ZC3H12B: variants seen among roughly 807,000 people sequenced by gnomAD.
The protein encoded by ZC3H12B is probable ribonuclease ZC3H12B.
In ZC3H12B, 7 loss-of-function variants were observed where a neutral mutation model predicts 43.9. The ratio of observed to expected loss-of-function variants is 0.16; its 90% CI spans 0.09 to 0.30. ZC3H12B has a LOEUF of 0.30. Among genes scored for constraint, ZC3H12B ranks in the 10% least tolerant of loss-of-function variants. The pLI is 1.00. For synonymous variants in ZC3H12B, 222 were observed against 241.7 expected, an observed-to-expected ratio of 0.92 and a Z score of 0.76; for missense variants, 475 against 670.2, an observed-to-expected ratio of 0.71 and a Z score of 3.22.
the ZC3H12B span, among the ~76,000 whole-genome samples, chrX:65,350,735 T>C: frequency 6.3e-5 from 7 of 111,187 alleles, no homozygotes; most frequent in Admixed American, 2.9e-4. Flanking sequence ...ACTAAGAATA[T>C]AAAATACATA....
Position 65,437,574 on chromosome X carries a change from C to T in ZC3H12B, n.407+38870C>T, listed in dbSNP as rs778611633. 5.7e-4 allele frequency among the ~76,000 whole-genome samples: 64 copies of T among 111,813 alleles called. 1 individual carries two copies. Among genetic ancestry groups the T allele is most frequent in the South Asian group, 3.0e-3 (8 of 2,710 alleles). ...AAGAAATGTCTATTCAAATCTTTTG[C>T]CTAATTTTTAATTATATTTTTAGAT... On this transcript the variant is annotated intron_variant and non_coding_transcript_variant, in intron 3 of 5. Coordinates refer to the ZC3H12B transcript ENST00000617377.
chrX:65,159,360 G>C, the ZC3H12B span, among the ~76,000 whole-genome samples: 1 of 111,767 alleles, frequency 8.9e-6, no homozygotes, highest in Non-Finnish European at 1.9e-5. Context: ...ACCTTGGGCA[G>C]TATGGCCGTT....
the ZC3H12B span, among the ~76,000 whole-genome samples, chrX:65,211,749 A>G: frequency 3.5e-5 from 3 of 84,786 alleles, no homozygotes; most frequent in East Asian, 7.2e-4. Context: ...TATATTATAT[A>G]ATATATTATA....
the ZC3H12B span, among the ~76,000 whole-genome samples, chrX:65,229,801 C>T: frequency 9.3e-6 from 1 of 107,110 alleles, no homozygotes; most frequent in Non-Finnish European, 1.9e-5. Context: ...TCATCACTGG[C>T]CATCAGAGAA....
the ZC3H12B span, among the ~76,000 whole-genome samples, chrX:65,085,963 A>C: frequency 5.9e-4 from 65 of 110,920 alleles, no homozygotes; most frequent in African/African-American, 1.9e-3. Context: ...CAGCAAAGTA[A>C]CAATGATATC....
At chrX:65,454,056 G>C (rs935287661) in intron 3 of ZC3H12B, among the ~76,000 whole-genome samples, 1 of 112,233 alleles carries the variant, frequency 8.9e-6, no homozygotes, top group African/African-American at 3.2e-5. Flanking sequence ...ACAGCACCCA[G>C]CGTGAGTGAC....
upstream of ZC3H12B, among the ~76,000 whole-genome samples, chrX:65,484,049 C>T (rs2068095285): frequency 8.9e-6 from 1 of 112,107 alleles, no homozygotes; most frequent in African/African-American, 3.2e-5. Context: ...AATAGTGCTG[C>T]AATGAACATA....
the ZC3H12B span, among the ~76,000 whole-genome samples, chrX:65,036,422 C>CT: frequency 6.3e-5 from 7 of 110,908 alleles, no homozygotes; most frequent in African/African-American, 2.0e-4. Context: ...GCTAAATTTT[C>CT]TTTTTTTTGT....
exon 5 of ZC3H12B, chrX:65,502,303 A>T: frequency 8.3e-7 from 1 of 1,211,416 alleles, no homozygotes; most frequent in Non-Finnish European, 1.1e-6. Flanking sequence ...AGCAATACCC[A>T]AAGTTTGAAT....
At chrX:65,494,299 T>A (rs1055626940) in intron 1 of ZC3H12B, among the ~76,000 whole-genome samples, 2 of 110,141 alleles carry the variant, frequency 1.8e-5, no homozygotes, top group African/African-American at 6.6e-5. Flanking sequence ...CAGGCTGGAG[T>A]GCAGTGGCAT....
the ZC3H12B span, among the ~76,000 whole-genome samples, chrX:65,331,759 T>C: frequency 9.0e-6 from 1 of 110,744 alleles, no homozygotes; most frequent in African/African-American, 3.3e-5. Flanking sequence ...GGGAAACGGG[T>C]GAGCAATCCC....
chrX:65,458,964 A>G (rs1227721026), intron 3 of ZC3H12B, among the ~76,000 whole-genome samples: 4 of 108,497 alleles, frequency 3.7e-5, no homozygotes, highest in Non-Finnish European at 7.6e-5. Context: ...GACTGCTAGC[A>G]AGACTAATAA....
the ZC3H12B span, among the ~76,000 whole-genome samples, chrX:65,211,431 A>G: frequency 9.3e-6 from 1 of 108,103 alleles, no homozygotes; most frequent in African/African-American, 3.3e-5. Context: ...AACACTTAGT[A>G]TGTTCTAGGC....
chrX:65,216,483 A>G, the ZC3H12B span, among the ~76,000 whole-genome samples: 1 of 111,300 alleles, frequency 9.0e-6, no homozygotes, highest in Non-Finnish European at 1.9e-5. Flanking sequence ...GAGTCCTAAT[A>G]CCACTGGCTG....
At chrX:65,444,677 G>A (rs2148132143) in intron 3 of ZC3H12B, among the ~76,000 whole-genome samples, 1 of 112,119 alleles carries the variant, frequency 8.9e-6, no homozygotes, top group African/African-American at 3.2e-5. Context: ...CTGAAAATGT[G>A]AAAGCAACTT....
At chrX:65,055,134 T>G in the ZC3H12B span, among the ~76,000 whole-genome samples, 1 of 110,662 alleles carries the variant, frequency 9.0e-6, no homozygotes, top group Non-Finnish European at 1.9e-5. Context: ...TGAATAGGAG[T>G]GGTGAGAGAG....
chrX:65,171,893 GCA>G, the ZC3H12B span, among the ~76,000 whole-genome samples: 4 of 111,123 alleles, frequency 3.6e-5, no homozygotes, highest in African/African-American at 1.3e-4. Flanking sequence ...CATTGGAAAT[GCA>G]CAGTATTAGG....
Position 65,454,123 on chromosome X carries a change from G to T in ZC3H12B, n.408-34523G>T, listed in dbSNP as rs1295008468. Among the ~76,000 whole-genome samples, 3 of 112,637 alleles carry T rather than the reference G, an allele frequency of 2.7e-5. No individual in the cohort carries two copies. In the East Asian group the frequency reaches 8.4e-4, roughly 32 times the overall value. On this transcript the variant is annotated intron_variant and non_coding_transcript_variant, in intron 3 of 5. Coordinates refer to the ZC3H12B transcript ENST00000617377. ...TGAGGTACCAGGTGCATCTCACTGG[G>T]GATTGTCAGACAGTGGGTGCAGGAC...
At chrX:65,404,127 C>A (rs2066795793) in intron 3 of ZC3H12B, among the ~76,000 whole-genome samples, 1 of 111,704 alleles carries the variant, frequency 9.0e-6, no homozygotes, top group African/African-American at 3.2e-5. Context: ...TGTTAGTTTT[C>A]TTTTTGTTTC....
Sources: allele counts gnomAD v4.1 joint callset (sites outside exome capture counted in the v4.1 genomes callset), GRCh38; gene constraint gnomAD v4.1.1; transcripts MANE v1.5; gene names NCBI Gene and HGNC (gene_info 2026-07-23, HGNC 2026-07-21).